SIPA1L2: variants seen among roughly 807,000 people sequenced by gnomAD.
SIPA1L2 encodes signal-induced proliferation-associated 1-like protein 2.
A neutral mutation model predicts 163.9 loss-of-function variants in SIPA1L2; 56 were observed. The observed-to-expected ratio is 0.34, with a 90% CI of 0.28 to 0.43. SIPA1L2 has a LOEUF of 0.43. Ranked by LOEUF, SIPA1L2 falls within the 20% of genes least tolerant of loss-of-function variation. The probability of loss-of-function intolerance (pLI) is 1.00; values close to 1 mark genes in which losing one functional copy is unlikely to be tolerated. For synonymous variants in SIPA1L2, 877 were observed against 865.7 expected (o/e 1.01, Z -0.23); for missense variants, 1,974 against 2,193.5 (o/e 0.90, Z 2.00).
intron 1 of SIPA1L2, among the ~76,000 whole-genome samples, chr1:232,593,430 C>T (rs1194417484): frequency 6.6e-6 from 1 of 152,056 alleles, no homozygotes; most frequent in African/African-American, 2.4e-5. Context: ...TGAACATAAG[C>T]AGGATATTAA....
chr1:232,410,695 C>T (rs946453668), intron 19 of SIPA1L2, among the ~76,000 whole-genome samples: 24 of 152,068 alleles, frequency 1.6e-4, no homozygotes, highest in African/African-American at 5.6e-4. Context: ...GGGCCTTTGA[C>T]CGTTTCTTAT....
chr1:232,527,073 G>C (rs1411420201), intron 2 of SIPA1L2, among the ~76,000 whole-genome samples: 1 of 152,184 alleles, frequency 6.6e-6, no homozygotes, highest in Non-Finnish European at 1.5e-5. Context: ...AGAATGATCT[G>C]GTGGGTGAAG....
At chr1:232,490,698 T>C (rs886429348) in intron 5 of SIPA1L2, 176 bp downstream of exon 5, 7 of 670,056 alleles carry the variant, frequency 1.0e-5, no homozygotes, top group African/African-American at 3.7e-5. Context: ...TGTTATACTA[T>C]AATGGCATCA....
chr1:232,425,800 G>C lies in SIPA1L2; in HGVS notation c.4419C>G (p.Phe1473Leu). Residue 1473 changes from phenylalanine (F) to leucine (L), a missense_variant, in exon 18 of 23, where the codon TTC becomes TTG. Phe to Leu is a conservative substitution (Grantham distance 22). Transcript: ENST00000674635. ...LVEEGRRKFS[F>L]YGNLSPRRSL... is the part of the protein sequence containing the mutation. The stretch of plus-strand genomic sequence containing the variant: ...ACCTCCTTGGAGACAGGTTCCCATA[G>C]AACGAAAACTAGGGTTTAAACAAGG... 25 of 1,613,520 alleles carry C rather than the reference G, an allele frequency of 1.5e-5. No individual in the cohort carries two copies. Among genetic ancestry groups the C allele is most frequent in the Non-Finnish European group, 2.1e-5 (25 of 1,179,662 alleles).
chr1:232,400,433 C>T (rs1558146323), intron 22 of SIPA1L2, among the ~76,000 whole-genome samples: 1 of 152,184 alleles, frequency 6.6e-6, no homozygotes, highest in African/African-American at 2.4e-5. Context: ...CTTTCGTCTT[C>T]GTGCTCTAAG....
chr1:232,564,247 TG>T lies in SIPA1L2; in HGVS notation c.-270+9926del, dbSNP rs1659260312. Among the ~76,000 whole-genome samples the T allele has an allele frequency of 1.3e-4, 5 of 38,056 alleles. 1 individual carries two copies. The highest frequency in any genetic ancestry group is 2.4e-4 in the Admixed American group (1 of 4,222). The allele number at this position is 38,056 out of a possible 152,430, so 25.0% of individuals were successfully genotyped here. On this transcript the variant is annotated intron_variant, in intron 2 of 22. Transcript: ENST00000674635. ...TTTTTTTTTTTTTCGTGTGTGTGTG[TG>T]TGTGTGTGTGTGTGTGTGTGTGTGT...
chr1:232,468,687 G>A (rs1307486957), intron 8 of SIPA1L2, among the ~76,000 whole-genome samples: 2 of 152,106 alleles, frequency 1.3e-5, no homozygotes, highest in Admixed American at 1.3e-4. Flanking sequence ...TTACATATTA[G>A]ATTTTCTAAA....
At chr1:232,542,291 G>A (rs145685043) in intron 2 of SIPA1L2, among the ~76,000 whole-genome samples, 170 of 152,270 alleles carry the variant, frequency 1.1e-3, no homozygotes, top group African/African-American at 3.7e-3. Flanking sequence ...GAGGTGATGG[G>A]GCACAATCGC....
Position 232,513,878 on chromosome 1 carries a change from G to A in SIPA1L2, c.1462C>T (p.Arg488Cys), listed in dbSNP as rs781664962. 6.3e-7 allele frequency: 1 copy of A among 1,576,874 alleles called. No individual in the cohort carries two copies. The highest frequency in any genetic ancestry group is 8.6e-7 in the Non-Finnish European group (1 of 1,164,852). The part of the protein sequence containing the change: ...EHIDLGAYYY[R>C]KFFYGKEHQN... Reference sequence around the variant, plus strand: ...TTACCTTTCCCATAGAAGAATTTGCGGTAATAATAGGCCCCAAGGTCAATG... The same window carrying A: ...TTACCTTTCCCATAGAAGAATTTGCAGTAATAATAGGCCCCAAGGTCAATG... Residue 488 changes from arginine (R) to cysteine (C), a missense_variant, in exon 3 of 23, where the codon CGC becomes TGC. Arg to Cys is a radical substitution (Grantham distance 180). Around this residue, in one of 3 missense-constraint regions of SIPA1L2, gnomAD observed 607 missense variants for 624.0 expected, o/e 0.97. Coordinates refer to ENST00000674635, the MANE Select transcript of SIPA1L2 (RefSeq NM_020808.5).
At chr1:232,485,615 G>C (rs889665419) in intron 5 of SIPA1L2, among the ~76,000 whole-genome samples, 7 of 152,128 alleles carry the variant, frequency 4.6e-5, no homozygotes, top group Non-Finnish European at 1.0e-4. Flanking sequence ...AGACATTTCA[G>C]GGTCTTAAAG....
intron 19 of SIPA1L2, among the ~76,000 whole-genome samples, chr1:232,408,194 T>A (rs2102756804): frequency 6.6e-6 from 1 of 151,962 alleles, no homozygotes; most frequent in Non-Finnish European, 1.5e-5. Flanking sequence ...AAGTCTAAAA[T>A]GTGACTCCGC....
chr1:232,496,011 A>C (rs1666171554), intron 3 of SIPA1L2, among the ~76,000 whole-genome samples: 1 of 152,228 alleles, frequency 6.6e-6, no homozygotes, highest in Non-Finnish European at 1.5e-5. Flanking sequence ...GTTAATTATT[A>C]AGTAAATTTT....
At chr1:232,629,776 G>A (rs1318183051) in intron 1 of SIPA1L2, among the ~76,000 whole-genome samples, 93 bp downstream of exon 1, 1 of 151,872 alleles carries the variant, frequency 6.6e-6, no homozygotes, top group Non-Finnish European at 1.5e-5. Flanking sequence ...GCCCCGAAGG[G>A]CATCCCCTTC....
At chr1:232,551,582 G>C (rs1658383510) in intron 2 of SIPA1L2, among the ~76,000 whole-genome samples, 1 of 152,244 alleles carries the variant, frequency 6.6e-6, no homozygotes, top group Non-Finnish European at 1.5e-5. Flanking sequence ...GAAGGAGAGA[G>C]GCCCCAGTGG....
At chr1:232,442,552 GAA>G (rs59025710) in intron 12 of SIPA1L2, among the ~76,000 whole-genome samples, 4 of 74,706 alleles carry the variant, frequency 5.4e-5, no homozygotes, top group South Asian at 7.0e-4. Context: ...CATCTCAAAA[GAA>G]AAAAAAAAAA....
chr1:232,477,917 C>T (rs537232514), intron 7 of SIPA1L2, among the ~76,000 whole-genome samples: 2 of 152,272 alleles, frequency 1.3e-5, no homozygotes, highest in African/African-American at 2.4e-5. Context: ...TTTGAATACT[C>T]GATGACGGGG....
chr1:232,484,059 T>C (rs1164578436), intron 5 of SIPA1L2, 93 bp from the exon 6 acceptor site: 4 of 1,217,280 alleles, frequency 3.3e-6, no homozygotes, highest in East Asian at 4.7e-5. Flanking sequence ...AGAATTGTTC[T>C]AGGAAAGCAT....
chr1:232,625,666 G>A lies in SIPA1L2; in HGVS notation c.-319+4203C>T, dbSNP rs149019228. Among the ~76,000 whole-genome samples, 442 of 152,222 alleles carry A rather than the reference G, an allele frequency of 2.9e-3. 2 individuals carry two copies. The highest frequency in any genetic ancestry group is 0.01 in the African/African-American group (426 of 41,528). On this transcript the variant is annotated intron_variant, in intron 1 of 22. Coordinates refer to ENST00000674635, the MANE Select transcript of SIPA1L2 (RefSeq NM_020808.5). Reference sequence around the variant, plus strand: ...TACACAGGTCATGTTCACGGGTCACGTTACACCAAGAGCCCAACTCTGACA... The same window carrying A: ...TACACAGGTCATGTTCACGGGTCACATTACACCAAGAGCCCAACTCTGACA...
At chr1:232,489,033 T>C (rs1665789907) in intron 5 of SIPA1L2, among the ~76,000 whole-genome samples, 1 of 152,134 alleles carries the variant, frequency 6.6e-6, no homozygotes, top group South Asian at 2.1e-4. Context: ...CCCTAAATGG[T>C]GGCAGTGGCA....
Sources: gnomAD v4.1 joint callset for allele counts (sites outside exome capture counted in the v4.1 genomes callset) on GRCh38, gnomAD v4.1.1 for gene constraint, gnomAD v4.1.1 regional missense constraint, MANE v1.5 for transcripts, NCBI Gene and HGNC (gene_info 2026-07-23, HGNC 2026-07-21) for gene names.